NDST4: variants seen among roughly 807,000 people sequenced by gnomAD.
NDST4 encodes the protein N-deacetylase and N-sulfotransferase 4.
In NDST4, 63 loss-of-function variants were observed where a neutral mutation model predicts 100.8. The ratio of observed to expected loss-of-function variants is 0.62; its 90% CI spans 0.51 to 0.77. The LOEUF is 0.77. Among genes scored for constraint, NDST4 ranks in the 30% least tolerant of loss-of-function variants. NDST4 has a pLI of 0.00. For synonymous variants in NDST4, 377 were observed against 361.8 expected (o/e 1.04, Z -0.48); for missense variants, 943 against 1,018.4 (o/e 0.93, Z 1.01).
At chr4:114,856,451 T>G (rs1324444090) in intron 7 of NDST4, among the ~76,000 whole-genome samples, 1 of 152,226 alleles carries the variant, frequency 6.6e-6, no homozygotes, top group African/African-American at 2.4e-5. Flanking sequence ...CCATTAAGAA[T>G]GTTTTTCTTT....
intron 1 of NDST4, among the ~76,000 whole-genome samples, chr4:115,108,666 A>G (rs1052290636): frequency 2.0e-5 from 3 of 151,974 alleles, no homozygotes; most frequent in Non-Finnish European, 4.4e-5. Flanking sequence ...ATTCCACTTA[A>G]ATAATTTAGT....
chr4:115,040,610 T>C (rs932999223), intron 2 of NDST4, among the ~76,000 whole-genome samples: 1 of 151,964 alleles, frequency 6.6e-6, no homozygotes, highest in Non-Finnish European at 1.5e-5. Flanking sequence ...GAATATATTT[T>C]ATATTAAAAC....
intron 2 of NDST4, among the ~76,000 whole-genome samples, chr4:115,071,405 T>C (rs908346256): frequency 6.6e-6 from 1 of 151,992 alleles, no homozygotes; most frequent in Non-Finnish European, 1.5e-5. Flanking sequence ...ATTGTGGAAG[T>C]GGCCAAGGAA....
intron 6 of NDST4, among the ~76,000 whole-genome samples, chr4:114,874,660 C>T (rs1392793888): frequency 6.6e-6 from 1 of 152,140 alleles, no homozygotes; most frequent in Non-Finnish European, 1.5e-5. Flanking sequence ...TTAGTTTTAG[C>T]ATTTCTGGGC....
In NDST4 at chr4:115,057,354, G is replaced by GAC. The variant is rs1241617989; in HGVS notation, c.978+18704_978+18705insGT. Among the ~76,000 whole-genome samples, 17 of 136,020 alleles carry GAC rather than the reference G, an allele frequency of 1.2e-4. 1 individual carries two copies. The East Asian group carries it at 4.3e-3, about 35-fold the overall frequency. The allele number at this position is 136,020 out of a possible 152,430, so 89.2% of individuals were successfully genotyped here. On this transcript the variant is annotated intron_variant, in intron 2 of 13. Coordinates refer to ENST00000264363, the MANE Select transcript of NDST4 (RefSeq NM_022569.3). ...GAGGAAGGAGAAACAGAGCCAGAGA[G>GAC]AGAAAAGGAGAAAATGAGGGGAGAA...
At chr4:114,839,968 A>G (rs964379595) in intron 10 of NDST4, among the ~76,000 whole-genome samples, 2 of 152,130 alleles carry the variant, frequency 1.3e-5, no homozygotes, top group African/African-American at 2.4e-5. Flanking sequence ...CTAATGAAAA[A>G]TTTAGATTTT....
intron 4 of NDST4, among the ~76,000 whole-genome samples, chr4:114,949,719 T>G (rs1045805857): frequency 6.6e-6 from 1 of 152,092 alleles, no homozygotes; most frequent in Non-Finnish European, 1.5e-5. Flanking sequence ...TGTGCTTTCA[T>G]CTGATTGGCC....
At chr4:114,985,844 A>G (rs1726888377) in intron 2 of NDST4, among the ~76,000 whole-genome samples, 1 of 152,206 alleles carries the variant, frequency 6.6e-6, no homozygotes, top group African/African-American at 2.4e-5. Context: ...GTGGCAGGCC[A>G]TTTTGTTGAG....
intron 1 of NDST4, among the ~76,000 whole-genome samples, chr4:115,078,158 A>G (rs28722150): frequency 0.078 from 11,860 of 152,146 alleles, 1,448 homozygotes; most frequent in African/African-American, 0.26. Flanking sequence ...TTTATAAAGA[A>G]AAAAAGGATT....
intron 1 of NDST4, among the ~76,000 whole-genome samples, chr4:115,112,664 AT>A (rs1225509224): frequency 6.6e-6 from 1 of 151,856 alleles, no homozygotes; most frequent in Non-Finnish European, 1.5e-5. Flanking sequence ...ATAAGGTTTA[AT>A]TTTCCTTATT....
chr4:115,051,227 A>G (rs1016297757), intron 2 of NDST4, among the ~76,000 whole-genome samples: 1 of 152,054 alleles, frequency 6.6e-6, no homozygotes, highest in African/African-American at 2.4e-5. Context: ...TTCAAATTTC[A>G]GTGTCTTCAT....
At chr4:114,892,381 G>T (rs1724616760) in intron 6 of NDST4, among the ~76,000 whole-genome samples, 1 of 152,062 alleles carries the variant, frequency 6.6e-6, no homozygotes. Context: ...ATGCAGAAAA[G>T]TAAATAAAAA....
At chr4:114,950,588 T>A (rs1386138149) in intron 4 of NDST4, among the ~76,000 whole-genome samples, 1 of 152,072 alleles carries the variant, frequency 6.6e-6, no homozygotes, top group Non-Finnish European at 1.5e-5. Context: ...ACTAACAGAC[T>A]GCAGGCTAAA....
At chr4:114,919,359 G>A (rs1004216432) in intron 6 of NDST4, among the ~76,000 whole-genome samples, 3 of 152,120 alleles carry the variant, frequency 2.0e-5, no homozygotes, top group African/African-American at 7.2e-5. Context: ...AATAAGACAA[G>A]TTAGTGATAG....
chr4:115,089,931 C>CTAATA (rs543151697), intron 1 of NDST4, among the ~76,000 whole-genome samples: 188 of 151,768 alleles, frequency 1.2e-3, no homozygotes, highest in African/African-American at 4.2e-3. Context: ...TGGTATATGT[C>CTAATA]CCCACAGAAT....
chr4:114,985,245 T>A (rs968786686), intron 2 of NDST4, among the ~76,000 whole-genome samples: 1 of 152,140 alleles, frequency 6.6e-6, no homozygotes, highest in Non-Finnish European at 1.5e-5. Context: ...TTTCCTTTCC[T>A]CTTTTCACCC....
chr4:114,866,509 C>T (rs965882012), intron 7 of NDST4, among the ~76,000 whole-genome samples: 51 of 152,164 alleles, frequency 3.4e-4, no homozygotes, highest in African/African-American at 1.2e-3. Flanking sequence ...ATCTGAGAAA[C>T]AGATGTGCCA....
At chr4:115,027,667 C>T (rs1013111893) in intron 2 of NDST4, among the ~76,000 whole-genome samples, 30 of 152,134 alleles carry the variant, frequency 2.0e-4, no homozygotes, top group Admixed American at 9.8e-4. Flanking sequence ...TAATTTCATA[C>T]GTACTGTATT....
chr4:114,866,918 G>C (rs185993738), intron 7 of NDST4, among the ~76,000 whole-genome samples: 2 of 152,284 alleles, frequency 1.3e-5, no homozygotes, highest in East Asian at 3.9e-4. Flanking sequence ...CTTCTAAAGT[G>C]AGGAGTTACC....
Sources: allele counts gnomAD v4.1 joint callset (sites outside exome capture counted in the v4.1 genomes callset), GRCh38; gene constraint gnomAD v4.1.1; transcripts MANE v1.5; gene names NCBI Gene and HGNC (gene_info 2026-07-23, HGNC 2026-07-21).